PCDHA8: variants seen among roughly 807,000 people sequenced by gnomAD.
The protein encoded by PCDHA8 is protocadherin alpha-8.
A neutral mutation model predicts 61.8 loss-of-function variants in PCDHA8; 53 were observed. That is an observed-to-expected ratio of 0.86 (90% CI 0.69 to 1.08). The LOEUF is 1.08. PCDHA8 is among the 50% of genes least tolerant of loss of function. The pLI is 0.00. For synonymous variants in PCDHA8, 618 were observed against 556.6 expected, an observed-to-expected ratio of 1.11 and a Z score of -1.55; for missense variants, 1,293 against 1,245.0, an observed-to-expected ratio of 1.04 and a Z score of -0.58.
At chr5:140,913,282 AG>A (rs1231451737) in intron 1 of PCDHA8, among the ~76,000 whole-genome samples, 20 of 152,154 alleles carry the variant, frequency 1.3e-4, no homozygotes, top group African/African-American at 4.6e-4. Flanking sequence ...TGGTCTGTTT[AG>A]GTTTTAATTT....
intron 1 of PCDHA8, chr5:140,882,678 A>G: frequency 6.2e-7 from 1 of 1,614,250 alleles, no homozygotes; most frequent in East Asian, 2.2e-5. Flanking sequence ...CCTGAAAGCA[A>G]GAAACGAATA....
chr5:140,843,339 G>A lies in PCDHA8; in HGVS notation c.2018G>A (p.Gly673Asp), dbSNP rs2150357830. 1.3e-6 allele frequency: 2 copies of A among 1,596,042 alleles called. No individual in the cohort carries two copies. Among genetic ancestry groups the A allele is most frequent in the Admixed American group, 1.7e-5 (1 of 59,312 alleles). Reference protein sequence around the residue: ...ATVLVSLVESGQAPKASSRQS... With the variant: ...ATVLVSLVESDQAPKASSRQS... ...GTTCTGGTGTCGCTGGTGGAGAGCG[G>A]CCAGGCTCCAAAAGCGTCATCGAGG... The change falls in exon 1 of 4, where the codon GGC becomes GAC. Residue 673 changes from glycine (G) to aspartate (D), a missense_variant. Physicochemically the swap from Gly to Asp is moderately conservative, Grantham distance 94 (BLOSUM62 -1). Transcript: ENST00000531613.
intron 3 of PCDHA8, among the ~76,000 whole-genome samples, chr5:141,000,421 A>ATATAT (rs1265241806): frequency 3.6e-5 from 1 of 27,980 alleles, no homozygotes; most frequent in East Asian, 1.4e-3. Flanking sequence ...ATATATATAT[A>ATATAT]TTTTTTTTTT....
chr5:141,004,336 G>A (rs1554259546), intron 3 of PCDHA8, among the ~76,000 whole-genome samples: 1 of 152,224 alleles, frequency 6.6e-6, no homozygotes, highest in East Asian at 1.9e-4. Flanking sequence ...AGGCACAGTG[G>A]TCTGTGAGGG....
Position 140,923,994 on chromosome 5 carries a change from C to T in PCDHA8, c.2395-54955C>T, listed in dbSNP as rs147193427. ...ACATACTATCCCTCTAGGTGCAGCT[C>T]AGAATTCCTAAACCTGGTATAATTG... On this transcript the variant is annotated intron_variant, in intron 1 of 3. Transcript: ENST00000531613. Among the ~76,000 whole-genome samples the T allele has an allele frequency of 8.1e-3, 1,228 of 152,292 alleles. 6 individuals are homozygous for T. The highest frequency in any genetic ancestry group is 0.019 in the African/African-American group (795 of 41,560).
chr5:140,850,377 A>G (rs2150481518), intron 1 of PCDHA8: 3 of 1,597,876 alleles, frequency 1.9e-6, no homozygotes, highest in Middle Eastern at 1.7e-4. Context: ...GGGGCTGTAC[A>G]CGGGCGAGAT....
rs2150312365 is a variant in PCDHA8, at chr5:140,841,244, G to C, written c.-78G>C. 34 of 1,496,206 alleles carry C rather than the reference G, an allele frequency of 2.3e-5. No individual in the cohort carries two copies. Among genetic ancestry groups the C allele is most frequent in the South Asian group, 2.7e-5 (2 of 73,996 alleles). 92.7% of individuals were successfully genotyped at this position (1,496,206 alleles called of 1,614,324 possible). On this transcript the variant is annotated 5_prime_UTR_variant, in exon 1 of 4. Transcript: ENST00000531613. ...GAACAACGGGAGATGCAGCGGAATT[G>C]GATTAAAAGACTCTGAAAGTACAGT...
At position 140,966,710 on chromosome 5, in the gene PCDHA8, G is replaced by T. The variant is rs552888876; in HGVS notation, c.2395-12239G>T. The T allele has an allele frequency of 2.9e-6, 4 of 1,391,664 alleles. No individual in the cohort carries two copies. In the South Asian group the frequency reaches 6.5e-5, roughly 23 times the overall value. The allele number at this position is 1,391,664 out of a possible 1,614,324, so 86.2% of individuals were successfully genotyped here. A position where few individuals can be genotyped will look rare whatever the true frequency, so the allele number is the denominator to read the frequency against. On this transcript the variant is annotated intron_variant, in intron 1 of 3. Transcript: ENST00000531613. ...AGGCGGGGCCCGGGCGTGGGGCACG[G>T]CTGGGGAAGCTGCCGCCTCCGGCCC...
chr5:140,882,859 G>A (rs2059337136), intron 1 of PCDHA8: 1 of 1,614,192 alleles, frequency 6.2e-7, no homozygotes, highest in East Asian at 2.2e-5. Context: ...TTGTACTGAG[G>A]AAAACACTGG....
Position 141,009,900 on chromosome 5 carries a change from A to G in PCDHA8, c.2816A>G (p.Glu939Gly). The G allele has an allele frequency of 6.2e-7, 1 of 1,613,166 alleles. No individual in the cohort carries two copies. The highest frequency in any genetic ancestry group is 8.5e-7 in the Non-Finnish European group (1 of 1,179,840). Residue 939 changes from glutamate (E) to glycine (G), a missense_variant, in exon 4 of 4, where the codon GAG becomes GGG. Physicochemically the swap from Glu to Gly is moderately conservative, Grantham distance 98. Coordinates refer to ENST00000531613, the MANE Select transcript of PCDHA8 (RefSeq NM_018911.3). Reference sequence around the variant, plus strand: ...GGTAACAAGACCCAGGAGAAAAAAGAGAAAGGGAACAGCACGACTGACAAC... The same window carrying G: ...GGTAACAAGACCCAGGAGAAAAAAGGGAAAGGGAACAGCACGACTGACAAC... ...KKGNKTQEKK[E>G]KGNSTTDNSD...
intron 1 of PCDHA8, chr5:140,870,265 C>G (rs782376161): frequency 6.2e-7 from 1 of 1,614,214 alleles, no homozygotes; most frequent in Non-Finnish European, 8.5e-7. Flanking sequence ...GACCTGCTCG[C>G]TGACGCCCCA....
At chr5:140,884,188 G>C in intron 1 of PCDHA8, 1 of 1,613,436 alleles carries the variant, frequency 6.2e-7, no homozygotes, top group Middle Eastern at 1.7e-4. Flanking sequence ...TGGACGAGGT[G>C]GACGCGCCGC....
At chr5:140,852,867 T>A (rs2042500160) in intron 1 of PCDHA8, 1 of 952,126 alleles carries the variant, frequency 1.1e-6, no homozygotes, top group African/African-American at 1.8e-5. Context: ...TACTATGTCA[T>A]CAATAATCAT....
Position 140,857,251 on chromosome 5 carries a change from G to T in PCDHA8, c.2394+13536G>T, listed in dbSNP as rs1554149715. The T allele has an allele frequency of 1.9e-6, 3 of 1,598,606 alleles. No individual in the cohort carries two copies. In the Admixed American group the frequency reaches 5.1e-5, roughly 27 times the overall value. ...CGTTCAAGCTGGTGTCCACCTACAA[G>T]AATTACTACTCATTGGTGCTGGACA... is the stretch of plus-strand genomic sequence containing the variant. On this transcript the variant is annotated intron_variant, in intron 1 of 3. Coordinates refer to ENST00000531613, the MANE Select transcript of PCDHA8 (RefSeq NM_018911.3).
chr5:140,993,535 GAGAT>G (rs2097571300), intron 3 of PCDHA8, among the ~76,000 whole-genome samples: 1 of 151,900 alleles, frequency 6.6e-6, no homozygotes, highest in African/African-American at 2.4e-5. Context: ...GAGAGAGAGA[GAGAT>G]AGAGAAGTGA....
chr5:140,927,008 TCTCCGCGGACTTGAGGCTGCCAG>T (rs782232084), intron 1 of PCDHA8: 1 of 1,612,514 alleles, frequency 6.2e-7, no homozygotes, highest in South Asian at 1.1e-5. Flanking sequence ...GTAGGCAATC[TCTCCGCGGACTTGAGGCTGCCAG>T]CGGCCGCTAT....
intron 1 of PCDHA8, among the ~76,000 whole-genome samples, chr5:140,955,549 C>T (rs1216178805): frequency 6.6e-6 from 1 of 152,140 alleles, no homozygotes; most frequent in Non-Finnish European, 1.5e-5. Context: ...TTCTTGAGGC[C>T]TCCCCAGCCA....
intron 1 of PCDHA8, chr5:140,851,710 G>C: frequency 1.0e-6 from 1 of 958,600 alleles, no homozygotes; most frequent in Non-Finnish European, 1.3e-6. Context: ...GCCATGTGAA[G>C]ATTCGAAACT....
chr5:140,935,985 C>G (rs155825), intron 1 of PCDHA8, among the ~76,000 whole-genome samples: 1 of 150,926 alleles, frequency 6.6e-6, no homozygotes, highest in Admixed American at 6.6e-5. Context: ...CTCTGCCTCC[C>G]GGGTTCAAGC....
Sources: allele counts gnomAD v4.1 joint callset (sites outside exome capture counted in the v4.1 genomes callset), GRCh38; gene constraint gnomAD v4.1.1; transcripts MANE v1.5; gene names NCBI Gene and HGNC (gene_info 2026-07-23, HGNC 2026-07-21).